CYP4X1: variants seen among roughly 807,000 people sequenced by gnomAD.
CYP4X1 encodes cytochrome P450 family 4 subfamily X member 1.
A neutral mutation model predicts 57.9 loss-of-function variants in CYP4X1; 44 were observed. The ratio of observed to expected loss-of-function variants is 0.76; its 90% confidence interval spans 0.60 to 0.98. The LOEUF is 0.98. Ranked by LOEUF, CYP4X1 falls within the 50% of genes least tolerant of loss-of-function variation. CYP4X1 has a pLI of 0.00. For missense variants in CYP4X1, 532 were observed against 623.9 expected, an observed-to-expected ratio of 0.85 and a Z score of 1.57; for synonymous variants, 227 against 228.6, an observed-to-expected ratio of 0.99 and a Z score of 0.06.
rs757019405 is a variant in CYP4X1, at chr1:47,033,300, C to T, written c.424C>T (p.Pro142Ser). 3.7e-6 allele frequency: 6 copies of T among 1,613,722 alleles called. No homozygotes were observed. The highest frequency in any genetic ancestry group is 1.3e-5 in the African/African-American group (1 of 74,880). Reference protein sequence around the residue: ...KWFQHRRLLTPGFHFNILKAY... With the variant: ...KWFQHRRLLTSGFHFNILKAY... ...GTTCCAGCATCGTCGCCTACTAACTCCTGGATTCCATTTTAACATCCTGAA... is the reference window on the plus strand; with the variant it reads ...GTTCCAGCATCGTCGCCTACTAACTTCTGGATTCCATTTTAACATCCTGAA... The change falls in exon 4 of 12, where the codon CCT becomes TCT. Residue 142 changes from proline (P) to serine (S), a missense_variant. By Grantham distance (74) the Pro-to-Ser change is moderately conservative. Coordinates refer to ENST00000371901, the MANE Select transcript of CYP4X1 (RefSeq NM_178033.2).
In CYP4X1 at chr1:47,050,266, T is replaced by C; in HGVS notation, c.*92T>C. 1 of 1,450,974 alleles carries C rather than the reference T, an allele frequency of 6.9e-7. No homozygotes were observed. The allele number at this position is 1,450,974 out of a possible 1,614,324, so 89.9% of individuals were successfully genotyped here. On this transcript the variant is annotated 3_prime_UTR_variant, in exon 12 of 12. Coordinates refer to ENST00000371901, the MANE Select transcript of CYP4X1 (RefSeq NM_178033.2). ...CAGATAGAAAGGGATCAATGTATGG[T>C]GGGAGGATTGGAGGTTGGTGGGATA...
chr1:47,046,474 C>T lies in CYP4X1; in HGVS notation c.1081C>T (p.Leu361=), dbSNP rs373629505. The change falls in exon 9 of 12, where the codon CTG becomes TTG. Residue 361 remains leucine (L), a synonymous_variant. Transcript: ENST00000371901. ...GDGSSITWDQ[L]GEMSYTTMCI... is the part of the protein sequence containing the mutation. ...CCTCCCTCATCCTCACAGGGACCAG[C>T]TGGGTGAGATGTCGTACACCACAAT... 1 of 1,614,058 alleles carries T rather than the reference C, an allele frequency of 6.2e-7. No homozygotes were observed. The highest frequency in any genetic ancestry group is 8.5e-7 in the Non-Finnish European group (1 of 1,179,980).
intron 8 of CYP4X1, among the ~76,000 whole-genome samples, chr1:47,046,135 T>C (rs1425674164): frequency 1.3e-5 from 2 of 152,228 alleles, no homozygotes; most frequent in African/African-American, 4.8e-5. Flanking sequence ...AAGCCTCTCC[T>C]CTTTAATCCT....
At position 47,050,226 on chromosome 1, in the gene CYP4X1, A is replaced by G; in HGVS notation, c.*52A>G. 6.3e-7 allele frequency: 1 copy of G among 1,592,870 alleles called. No individual in the cohort carries two copies. Among genetic ancestry groups the G allele is most frequent in the East Asian group, 2.2e-5 (1 of 44,656 alleles). The stretch of plus-strand genomic sequence containing the variant: ...CTTTGTTTTTCGAAGTTAAATTTAC[A>G]GCTAATGATCCAAGCAGATAGAAAG... On this transcript the variant is annotated 3_prime_UTR_variant, in exon 12 of 12. Transcript: ENST00000371901.
At chr1:46,993,300 G>T in the CYP4X1 span, among the ~76,000 whole-genome samples, 6 of 151,930 alleles carry the variant, frequency 3.9e-5, no homozygotes, top group East Asian at 1.9e-4. Flanking sequence ...CCATGGTGTA[G>T]ATGTGCCACA....
At position 47,031,445 on chromosome 1, in the gene CYP4X1, C is replaced by A; in HGVS notation, c.329C>A (p.Ser110Tyr). The A allele has an allele frequency of 1.2e-6, 2 of 1,614,002 alleles. No homozygotes were observed. The highest frequency in any genetic ancestry group is 1.7e-6 in the Non-Finnish European group (2 of 1,179,982). ...CTGCTTGACTCTGCAGATCCCAAGT[C>A]CCAGTACCTGCAGAAATTCTCACCT... ...KTLLSRTDPKSQYLQKFSPPL... is the reference protein window; with the variant it reads ...KTLLSRTDPKYQYLQKFSPPL... The change falls in exon 3 of 12, where the codon TCC (serine) becomes TAC (tyrosine). Residue 110 changes from serine to tyrosine, a missense_variant. Physicochemically the swap from Ser to Tyr is moderately radical, Grantham distance 144 (BLOSUM62 -2). Transcript: ENST00000371901.
chr1:47,046,677 C>T (rs1484993495), intron 9 of CYP4X1, 77 bp downstream of exon 9: 7 of 1,595,502 alleles, frequency 4.4e-6, no homozygotes, highest in Middle Eastern at 1.7e-4. Context: ...ATTAGTGAGT[C>T]TCTTAGCACT....
upstream of CYP4X1, among the ~76,000 whole-genome samples, chr1:47,020,994 A>C (rs1255363931): frequency 6.6e-6 from 1 of 151,842 alleles, no homozygotes; most frequent in African/African-American, 2.4e-5. Flanking sequence ...GCATTGGGAG[A>C]GGCACAGGCC....
chr1:47,008,389 C>T, the CYP4X1 span, among the ~76,000 whole-genome samples: 7 of 152,162 alleles, frequency 4.6e-5, no homozygotes, highest in African/African-American at 1.7e-4. Context: ...ATTTTGTCAC[C>T]AGCAGGCCTG....
chr1:47,042,652 C>G (rs547711007), intron 8 of CYP4X1, among the ~76,000 whole-genome samples: 1 of 152,248 alleles, frequency 6.6e-6, no homozygotes, highest in East Asian at 1.9e-4. Context: ...TTGTATCATT[C>G]TTATGCCTTT....
the CYP4X1 span, among the ~76,000 whole-genome samples, chr1:46,970,988 T>A: frequency 7.2e-5 from 11 of 152,184 alleles, no homozygotes; most frequent in Admixed American, 5.9e-4. Flanking sequence ...ATAGGTAAAT[T>A]GCATGTCACA....
upstream of CYP4X1, among the ~76,000 whole-genome samples, chr1:47,019,512 T>A (rs1643974828): frequency 6.6e-6 from 1 of 152,216 alleles, no homozygotes; most frequent in South Asian, 2.1e-4. Context: ...TTCTAATATT[T>A]AACTTAACCA....
chr1:47,036,345 A>G (rs1191208096), intron 6 of CYP4X1, among the ~76,000 whole-genome samples, 174 bp downstream of exon 6: 4 of 121,646 alleles, frequency 3.3e-5, no homozygotes, highest in Non-Finnish European at 7.0e-5. Flanking sequence ...ACTTTGCTTC[A>G]ACCATAGCAG....
the CYP4X1 span, among the ~76,000 whole-genome samples, chr1:46,966,373 C>A: frequency 3.3e-5 from 5 of 152,178 alleles, no homozygotes; most frequent in African/African-American, 1.2e-4. Flanking sequence ...AGACTCCACA[C>A]AGCTCTGTGT....
At chr1:47,021,142 C>CAAAAAA (rs546594827), upstream of CYP4X1, among the ~76,000 whole-genome samples, 2,059 of 47,426 alleles carry the variant, frequency 0.043, 379 homozygotes, top group African/African-American at 0.098. Context: ...GCAGGAATGC[C>CAAAAAA]AAAAAAAAAA....
intron 4 of CYP4X1, among the ~76,000 whole-genome samples, chr1:47,034,645 T>C (rs1043948105): frequency 2.0e-5 from 3 of 152,084 alleles, no homozygotes; most frequent in African/African-American, 7.2e-5. Context: ...AACATCAGTG[T>C]GAGTTCTCAA....
At chr1:47,028,627 T>C (rs1417884391) in intron 1 of CYP4X1, among the ~76,000 whole-genome samples, 1 of 152,236 alleles carries the variant, frequency 6.6e-6, no homozygotes, top group Non-Finnish European at 1.5e-5. Flanking sequence ...ACAACAGTTT[T>C]CTGTCCTTTT....
chr1:46,963,147 C>G, the CYP4X1 span, among the ~76,000 whole-genome samples: 1 of 152,166 alleles, frequency 6.6e-6, no homozygotes, highest in East Asian at 1.9e-4. Context: ...CTATGTGTGT[C>G]TCCACATGTG....
At chr1:47,015,219 T>C in the CYP4X1 span, among the ~76,000 whole-genome samples, 2 of 152,132 alleles carry the variant, frequency 1.3e-5, no homozygotes, top group African/African-American at 2.4e-5. Context: ...ACAGTGAGAG[T>C]AGGAACTGGT....
Sources: allele counts gnomAD v4.1 joint callset (sites outside exome capture counted in the v4.1 genomes callset), GRCh38; gene constraint gnomAD v4.1.1; transcripts MANE v1.5; gene names NCBI Gene and HGNC (gene_info 2026-07-23, HGNC 2026-07-21).